TP63: variants seen among roughly 807,000 people sequenced by gnomAD.
The protein encoded by TP63 is tumor protein p63.
Under a neutral mutation model 82.8 loss-of-function variants are expected in TP63, and 17 were observed. That is an observed-to-expected ratio of 0.21 (90% confidence interval 0.14 to 0.31). TP63 has a LOEUF of 0.31. Ranked by LOEUF, TP63 falls within the 10% of genes least tolerant of loss-of-function variation. The pLI, the probability that TP63 is intolerant of heterozygous loss-of-function variation, is 1.00. For synonymous variants in TP63, 330 were observed against 321.7 expected, an observed-to-expected ratio of 1.03 and a Z score of -0.28; for missense variants, 648 against 895.3, an observed-to-expected ratio of 0.72 and a Z score of 3.52.
At chr3:189,643,730 C>G (rs1001461908) in intron 1 of TP63, among the ~76,000 whole-genome samples, 1 of 152,118 alleles carries the variant, frequency 6.6e-6, no homozygotes, top group Non-Finnish European at 1.5e-5. Flanking sequence ...TTTTCTTTCT[C>G]TGAAAACATC....
intron 3 of TP63, among the ~76,000 whole-genome samples, chr3:189,759,428 G>C (rs759208160): frequency 1.3e-5 from 2 of 152,144 alleles, no homozygotes; most frequent in African/African-American, 2.4e-5. Context: ...TATTTGAAGA[G>C]GTTTATTGTG....
At chr3:189,774,132 C>T (rs1723592881) in intron 3 of TP63, among the ~76,000 whole-genome samples, 1 of 152,016 alleles carries the variant, frequency 6.6e-6, no homozygotes, top group Admixed American at 6.6e-5. Context: ...CCGTGTTAGC[C>T]AGGATGGTCT....
At chr3:189,873,151 A>G in intron 10 of TP63, 156 bp downstream of exon 10, 1 of 1,074,314 alleles carries the variant, frequency 9.3e-7, no homozygotes, top group Admixed American at 1.8e-5. Context: ...TTTCAGTTGC[A>G]ACCTTTTTTA....
Position 189,868,584 on chromosome 3 carries a change from C to G in TP63, c.997C>G (p.Gln333Glu), listed in dbSNP as rs2108806149. Residue 333 changes from glutamine (Q) to glutamate (E), a missense_variant, in exon 8 of 14, where the codon CAA (glutamine) becomes GAA (glutamate). Gln to Glu is a conservative substitution (Grantham distance 29). Around this residue, in one of 5 missense-constraint regions of TP63, gnomAD observed 30 missense variants for 85.4 expected, o/e 0.35. Coordinates refer to ENST00000264731, the MANE Select transcript of TP63 (RefSeq NM_003722.5). ...CCCCTTTATTCTAATTCCTAGTGGGCAAGTCCTGGGCCGACGCTGCTTTGA... is the reference window on the plus strand; with the variant it reads ...CCCCTTTATTCTAATTCCTAGTGGGGAAGTCCTGGGCCGACGCTGCTTTGA... ...IIVTLETRDG[Q>E]VLGRRCFEAR... is the part of the protein sequence containing the mutation. 1 of 1,614,004 alleles carries G rather than the reference C, an allele frequency of 6.2e-7. No homozygotes were observed. The highest frequency in any genetic ancestry group is 8.5e-7 in the Non-Finnish European group (1 of 1,179,964).
At chr3:189,827,456 ACAAATATTT>A (rs1711591336) in intron 4 of TP63, among the ~76,000 whole-genome samples, 1 of 152,206 alleles carries the variant, frequency 6.6e-6, no homozygotes, top group East Asian at 1.9e-4. Context: ...ATGGGTCTTA[ACAAATATTT>A]TTCAGGTAAT....
chr3:189,732,411 G>T lies in TP63; in HGVS notation c.63-5329G>T, dbSNP rs144375906. The stretch of plus-strand genomic sequence containing the variant: ...TTGTTTTGACCCAAGGTTACAGATG[G>T]AAGGGAGGGATAGGTTTCATATAAT... On this transcript the variant is annotated intron_variant, in intron 1 of 13. Transcript: ENST00000264731. Among the ~76,000 whole-genome samples the T allele has an allele frequency of 3.5e-3, 526 of 152,332 alleles. 6 individuals are homozygous for T. The highest frequency in any genetic ancestry group is 0.012 in the African/African-American group (501 of 41,568).
rs59468983 is a variant in TP63 at position 189,848,239 on chromosome 3, T to TTCTCTCTC, written c.580-15969_580-15962dup. ...CTCTGCCTCCTCCTCCTCCTCCTCCTTCTCTCTCTCTCTCTCTCTCTCTCT... is the reference window on the plus strand; with the variant it reads ...CTCTGCCTCCTCCTCCTCCTCCTCCTTCTCTCTCTCTCTCTCTCTCTCTCTCTCTCTCT... On this transcript the variant is annotated intron_variant, in intron 4 of 13. Transcript: ENST00000264731. Among the ~76,000 whole-genome samples the TTCTCTCTC allele has an allele frequency of 3.0e-3, 289 of 96,010 alleles. 13 individuals are homozygous for TTCTCTCTC. Among genetic ancestry groups the TTCTCTCTC allele is most frequent in the African/African-American group, 7.1e-3 (166 of 23,476 alleles). 63.0% of individuals were successfully genotyped at this position (96,010 alleles called of 152,430 possible).
chr3:189,733,438 TATC>T, intron 1 of TP63, among the ~76,000 whole-genome samples: 2 of 152,322 alleles, frequency 1.3e-5, no homozygotes, highest in South Asian at 4.1e-4. Flanking sequence ...CACACACTAA[TATC>T]ATTATTGTTG....
chr3:189,827,958 G>A (rs1048034480), intron 4 of TP63, among the ~76,000 whole-genome samples: 1 of 152,064 alleles, frequency 6.6e-6, no homozygotes, highest in African/African-American at 2.4e-5. Context: ...AGAGATATGG[G>A]GGCCAGGTGC....
chr3:189,671,895 C>G (rs1240492423), intron 1 of TP63, among the ~76,000 whole-genome samples: 1 of 151,670 alleles, frequency 6.6e-6, no homozygotes, highest in African/African-American at 2.4e-5. Flanking sequence ...GGAAGGGTAG[C>G]AAGGAGGGAA....
intron 3 of TP63, among the ~76,000 whole-genome samples, chr3:189,747,063 ATATT>A (rs1721435462): frequency 1.3e-5 from 2 of 151,990 alleles, no homozygotes; most frequent in Admixed American, 6.6e-5. Context: ...ACAATTCTAA[ATATT>A]TATGTACTCA....
At chr3:189,755,081 T>C (rs1722091532) in intron 3 of TP63, among the ~76,000 whole-genome samples, 1 of 152,188 alleles carries the variant, frequency 6.6e-6, no homozygotes, top group African/African-American at 2.4e-5. Context: ...TTACAATCTT[T>C]ATGAGCTGCT....
intron 3 of TP63, among the ~76,000 whole-genome samples, chr3:189,790,002 G>GT (rs1218368079): frequency 6.6e-6 from 1 of 150,772 alleles, no homozygotes; most frequent in African/African-American, 2.4e-5. Context: ...TGTGGTGGCT[G>GT]TAAGATTTTT....
chr3:189,603,578 C>T, the TP63 span, among the ~76,000 whole-genome samples: 4 of 147,874 alleles, frequency 2.7e-5, no homozygotes, highest in African/African-American at 7.5e-5. Flanking sequence ...CAGGAACTAC[C>T]GGACACCCCA....
chr3:189,700,526 T>C (rs547096979), intron 1 of TP63, among the ~76,000 whole-genome samples: 1 of 152,322 alleles, frequency 6.6e-6, no homozygotes, highest in Non-Finnish European at 1.5e-5. Flanking sequence ...AATTTCCTAG[T>C]TGCAGATGCT....
chr3:189,672,681 G>GAAGT (rs1367692637), intron 1 of TP63, among the ~76,000 whole-genome samples: 1 of 147,218 alleles, frequency 6.8e-6, no homozygotes, highest in Non-Finnish European at 1.5e-5. Context: ...AGGAAGGAAG[G>GAAGT]AAGGAAGGAA....
chr3:189,846,098 T>C (rs1029696128), intron 4 of TP63, among the ~76,000 whole-genome samples: 4 of 151,988 alleles, frequency 2.6e-5, no homozygotes, highest in African/African-American at 9.7e-5. Context: ...GTGGTAAAGG[T>C]AGGGTCCTAG....
intron 1 of TP63, among the ~76,000 whole-genome samples, chr3:189,639,350 T>C (rs932439472): frequency 6.6e-6 from 1 of 152,166 alleles, no homozygotes; most frequent in Non-Finnish European, 1.5e-5. Flanking sequence ...TATTAACATG[T>C]GTGTTTTACC....
At chr3:189,630,764 C>T (rs1011157481), upstream of TP63, among the ~76,000 whole-genome samples, 2 of 151,950 alleles carry the variant, frequency 1.3e-5, no homozygotes, top group African/African-American at 4.8e-5. Flanking sequence ...TCAGGCAAAG[C>T]TTCTAAGGGG....
Sources: gnomAD v4.1 joint callset for allele counts (sites outside exome capture counted in the v4.1 genomes callset) on GRCh38, gnomAD v4.1.1 for gene constraint, gnomAD v4.1.1 regional missense constraint, MANE v1.5 for transcripts, NCBI Gene and HGNC (gene_info 2026-07-23, HGNC 2026-07-21) for gene names.